DLG2: variants seen among roughly 807,000 people sequenced by gnomAD.
The protein encoded by DLG2 is discs large MAGUK scaffold protein 2, also known as disks large homolog 2.
In DLG2, 45 loss-of-function variants were observed where a neutral mutation model predicts 132.5. That is an observed-to-expected ratio of 0.34 (90% CI 0.27 to 0.44). The LOEUF (loss-of-function observed/expected upper bound fraction) is 0.44, where lower values mean the gene tolerates loss of function less well. Among genes scored for constraint, DLG2 ranks in the 20% least tolerant of loss-of-function variants. The pLI is 1.00. For missense variants in DLG2, 1,045 were observed against 1,196.9 expected, an observed-to-expected ratio of 0.87 and a Z score of 1.87; for synonymous variants, 424 against 419.6, an observed-to-expected ratio of 1.01 and a Z score of -0.13.
chr11:84,516,482 TTC>T, intron 7 of DLG2, among the ~76,000 whole-genome samples: 1 of 151,688 alleles, frequency 6.6e-6, no homozygotes, highest in East Asian at 1.9e-4. Context: ...AATGGATAAA[TTC>T]TTACCTACAT....
In DLG2 at chr11:84,710,685, T is replaced by C. The variant is rs561581985; in HGVS notation, c.358-175954A>G. On this transcript the variant is annotated intron_variant, in intron 6 of 27. Coordinates refer to ENST00000376104, the MANE Select transcript of DLG2 (RefSeq NM_001142699.3). ...TTTTAGAGATAATGACTGTTTTTAG[T>C]GTGCTCATTCATCAAACTAAATAAT... 4.6e-5 allele frequency among the ~76,000 whole-genome samples: 7 copies of C among 152,004 alleles called. No homozygotes were observed. In the East Asian group the frequency reaches 9.7e-4, roughly 21 times the overall value.
At chr11:85,301,928 A>C (rs891604188) in intron 3 of DLG2, among the ~76,000 whole-genome samples, 5 of 152,256 alleles carry the variant, frequency 3.3e-5, no homozygotes, top group African/African-American at 9.6e-5. Context: ...ATTCATTTAG[A>C]AAATGGCTAT....
At chr11:84,077,265 T>G (rs2096841828) in intron 10 of DLG2, among the ~76,000 whole-genome samples, 1 of 152,194 alleles carries the variant, frequency 6.6e-6, no homozygotes, top group Non-Finnish European at 1.5e-5. Context: ...CTCATTCTAG[T>G]CTGAGTTTCC....
intron 6 of DLG2, among the ~76,000 whole-genome samples, chr11:84,620,059 T>G (rs941305567): frequency 2.0e-5 from 3 of 151,568 alleles, no homozygotes; most frequent in African/African-American, 4.8e-5. Flanking sequence ...ATTTAAATTT[T>G]TAGTTAATGT....
chr11:85,393,156 G>A (rs2086953894), intron 3 of DLG2, among the ~76,000 whole-genome samples: 1 of 151,904 alleles, frequency 6.6e-6, no homozygotes, highest in Admixed American at 6.6e-5. Context: ...TCAAAAAGTG[G>A]GCAAAGGACA....
At chr11:84,527,893 TTCTCTC>T (rs60170305) in intron 7 of DLG2, among the ~76,000 whole-genome samples, 11,121 of 125,594 alleles carry the variant, frequency 0.089, 475 homozygotes, top group South Asian at 0.18. Context: ...CTCCCTCCCT[TTCTCTC>T]TCTCTCTCTC....
At chr11:84,273,567 T>C (rs1186826937) in intron 7 of DLG2, among the ~76,000 whole-genome samples, 1 of 151,936 alleles carries the variant, frequency 6.6e-6, no homozygotes, top group African/African-American at 2.4e-5. Flanking sequence ...CATAAGCGTG[T>C]AGGGGGAAAG....
intron 4 of DLG2, among the ~76,000 whole-genome samples, chr11:85,247,595 A>T (rs947882364): frequency 3.3e-5 from 5 of 151,976 alleles, no homozygotes; most frequent in African/African-American, 1.2e-4. Context: ...TCTTGTTGCT[A>T]GTCTACAGGC....
chr11:83,585,237 G>A lies in DLG2; in HGVS notation c.1941-43379C>T, dbSNP rs541042678. 6.3e-4 allele frequency among the ~76,000 whole-genome samples: 96 copies of A among 152,254 alleles called. 2 individuals are homozygous for A. Among genetic ancestry groups the A allele is most frequent in the African/African-American group, 2.2e-3 (90 of 41,556 alleles). On this transcript the variant is annotated intron_variant, in intron 19 of 27. Coordinates refer to ENST00000376104, the MANE Select transcript of DLG2 (RefSeq NM_001142699.3). ...AATGATAATATAAATGTTGAAATAA[G>A]TTTTTAAAATAGTAGTGGTTAAGAT... is the stretch of plus-strand genomic sequence containing the variant.
At chr11:84,538,026 G>C (rs187651745) in intron 6 of DLG2, among the ~76,000 whole-genome samples, 1 of 152,268 alleles carries the variant, frequency 6.6e-6, no homozygotes, top group African/African-American at 2.4e-5. Flanking sequence ...TTCAGTATAT[G>C]CTAAGAATAT....
Position 83,754,831 on chromosome 11 carries a change from T to C in DLG2, c.1825+31859A>G, listed in dbSNP as rs2093584051. Among the ~76,000 whole-genome samples, 2 of 151,576 alleles carry C rather than the reference T, an allele frequency of 1.3e-5. 1 individual carries two copies. The highest frequency in any genetic ancestry group is 4.9e-5 in the African/African-American group (2 of 40,882). On this transcript the variant is annotated intron_variant, in intron 18 of 27. Transcript: ENST00000376104. ...TGGAGAAACAATATTGGCAAAGATA[T>C]GGCCCAGGATGAAAAATATGTAATT...
intron 5 of DLG2, among the ~76,000 whole-genome samples, chr11:85,148,199 T>C (rs1001026667): frequency 4.6e-5 from 7 of 152,208 alleles, no homozygotes; most frequent in African/African-American, 9.7e-5. Flanking sequence ...TTGTGAATAG[T>C]GCTGCAATAA....
chr11:84,346,380 G>A (rs139869389), intron 7 of DLG2, among the ~76,000 whole-genome samples: 28 of 152,212 alleles, frequency 1.8e-4, no homozygotes, highest in African/African-American at 5.5e-4. Context: ...ATATATGCCT[G>A]GTATACAGCA....
intron 6 of DLG2, among the ~76,000 whole-genome samples, chr11:85,105,942 G>A (rs987031569): frequency 1.3e-5 from 2 of 150,422 alleles, no homozygotes; most frequent in Non-Finnish European, 3.0e-5. Context: ...ACCAAATTAG[G>A]TCACACAATG....
At chr11:83,982,791 C>G in intron 11 of DLG2, among the ~76,000 whole-genome samples, 1 of 152,152 alleles carries the variant, frequency 6.6e-6, no homozygotes. Flanking sequence ...AGGTTCCACT[C>G]ATGCTAAATG....
intron 7 of DLG2, among the ~76,000 whole-genome samples, chr11:84,491,424 C>T (rs1345215580): frequency 6.6e-6 from 1 of 152,100 alleles, no homozygotes; most frequent in Non-Finnish European, 1.5e-5. Flanking sequence ...CCAGGTAGAA[C>T]TGTAAGTCAA....
At chr11:84,009,261 CATG>C (rs2094747027) in intron 11 of DLG2, among the ~76,000 whole-genome samples, 1 of 151,812 alleles carries the variant, frequency 6.6e-6, no homozygotes, top group East Asian at 1.9e-4. Flanking sequence ...TCACATTTGC[CATG>C]ATATTTTGGC....
chr11:83,873,378 G>A (rs2063850570), intron 16 of DLG2, among the ~76,000 whole-genome samples: 1 of 152,150 alleles, frequency 6.6e-6, no homozygotes, highest in African/African-American at 2.4e-5. Flanking sequence ...GAGGGACCTG[G>A]TGGGAGATAA....
chr11:84,027,786 T>C (rs2095577830), intron 11 of DLG2, among the ~76,000 whole-genome samples: 1 of 152,068 alleles, frequency 6.6e-6, no homozygotes, highest in Non-Finnish European at 1.5e-5. Flanking sequence ...TTTAAAATTT[T>C]ACTCCTTCAT....
Sources: gnomAD v4.1 joint callset for allele counts (sites outside exome capture counted in the v4.1 genomes callset) on GRCh38, gnomAD v4.1.1 for gene constraint, MANE v1.5 for transcripts, NCBI Gene and HGNC (gene_info 2026-07-23, HGNC 2026-07-21) for gene names.